PALS1: variants seen among roughly 807,000 people sequenced by gnomAD.
PALS1 encodes the protein protein associated with LIN7 1, MAGUK p55 family member.
A neutral mutation model predicts 78.9 loss-of-function variants in PALS1; 31 were observed. The observed-to-expected ratio is 0.39, with a 90% CI of 0.30 to 0.53. The LOEUF (loss-of-function observed/expected upper bound fraction) is 0.53, where lower values mean the gene tolerates loss of function less well. PALS1 is among the 20% of genes least tolerant of loss of function. The probability of loss-of-function intolerance (pLI) is 0.67; values close to 1 mark genes in which losing one functional copy is unlikely to be tolerated. For synonymous variants in PALS1, 276 were observed against 270.9 expected, an observed-to-expected ratio of 1.02 and a Z score of -0.18; for missense variants, 704 against 826.5, an observed-to-expected ratio of 0.85 and a Z score of 1.82.
chr14:67,315,258 CTTATTT>C (rs1443631258), intron 9 of PALS1, among the ~76,000 whole-genome samples: 2 of 140,344 alleles, frequency 1.4e-5, no homozygotes, highest in East Asian at 2.0e-4. Flanking sequence ...AAATCGGTTA[CTTATTT>C]TTAATTTTTT....
chr14:67,263,191 AC>A (rs553237910), intron 1 of PALS1, among the ~76,000 whole-genome samples: 309 of 152,314 alleles, frequency 2.0e-3, no homozygotes, highest in African/African-American at 7.0e-3. Context: ...AACACTTTTT[AC>A]TTCAGGAAAT....
intron 2 of PALS1, chr14:67,271,626 T>G (rs2084408658): frequency 6.6e-6 from 1 of 152,254 alleles, no homozygotes; most frequent in Non-Finnish European, 1.5e-5. Context: ...GAGGCTTTTC[T>G]CTTAAACATG....
At chr14:67,285,660 G>A (rs151115278) in intron 3 of PALS1, among the ~76,000 whole-genome samples, 1,839 of 152,176 alleles carry the variant, frequency 0.012, 19 homozygotes, top group Non-Finnish European at 0.018. Context: ...GAGCCACTGC[G>A]CCTGACCCCC....
chr14:67,298,838 A>T (rs963394847), intron 4 of PALS1, among the ~76,000 whole-genome samples: 45 of 152,060 alleles, frequency 3.0e-4, no homozygotes, highest in African/African-American at 1.1e-3. Flanking sequence ...ACCTCTTTCA[A>T]TCCTCAGGCC....
intron 9 of PALS1, among the ~76,000 whole-genome samples, chr14:67,314,706 T>G (rs1205508746): frequency 2.6e-5 from 4 of 152,250 alleles, no homozygotes; most frequent in Admixed American, 2.6e-4. Context: ...TAGATTCCAA[T>G]GATGACATTT....
At chr14:67,326,182 A>G (rs908716186) in intron 14 of PALS1, among the ~76,000 whole-genome samples, 27 of 92,412 alleles carry the variant, frequency 2.9e-4, no homozygotes, top group African/African-American at 1.2e-3. Flanking sequence ...TATCTACTTC[A>G]CTTTGAATTG....
chr14:67,302,941 T>G (rs1566564204), intron 7 of PALS1, among the ~76,000 whole-genome samples: 1 of 152,242 alleles, frequency 6.6e-6, no homozygotes, highest in Non-Finnish European at 1.5e-5. Context: ...TATCTGTAAT[T>G]GATTGTTGTT....
chr14:67,275,771 G>A (rs545451471), intron 2 of PALS1, among the ~76,000 whole-genome samples: 10 of 152,180 alleles, frequency 6.6e-5, no homozygotes, highest in East Asian at 3.9e-4. Context: ...TTGGTTGGTA[G>A]GCTATTAATT....
At chr14:67,303,664 T>C (rs2084960499) in intron 8 of PALS1, 65 bp downstream of exon 8, 2 of 1,117,816 alleles carry the variant, frequency 1.8e-6, no homozygotes, top group East Asian at 2.4e-5. Context: ...TGTTACTGTT[T>C]ACTGTTACAG....
chr14:67,312,806 A>C, intron 9 of PALS1, 96 bp downstream of exon 9: 1 of 964,700 alleles, frequency 1.0e-6, no homozygotes, highest in Non-Finnish European at 1.4e-6. Context: ...GCCTCTATTT[A>C]ATAAAGTATT....
At chr14:67,250,169 T>A (rs940226692) in intron 1 of PALS1, among the ~76,000 whole-genome samples, 11 of 152,184 alleles carry the variant, frequency 7.2e-5, no homozygotes, top group Admixed American at 7.2e-4. Context: ...GTGTTCATAA[T>A]TTCATTTAAA....
At chr14:67,269,044 G>C (rs1373467825) in intron 1 of PALS1, among the ~76,000 whole-genome samples, 2 of 152,116 alleles carry the variant, frequency 1.3e-5, no homozygotes, top group African/African-American at 4.8e-5. Flanking sequence ...TTCACCCCCA[G>C]TTTTAGGCAA....
chr14:67,284,103 C>T (rs1258086942), intron 3 of PALS1, among the ~76,000 whole-genome samples: 1 of 152,132 alleles, frequency 6.6e-6, no homozygotes, highest in South Asian at 2.1e-4. Context: ...GTAAATGGCA[C>T]ACTACAGGTT....
intron 14 of PALS1, among the ~76,000 whole-genome samples, chr14:67,328,038 G>C (rs113462339): frequency 6.6e-6 from 1 of 152,182 alleles, no homozygotes; most frequent in Non-Finnish European, 1.5e-5. Flanking sequence ...TCTAGTTCTA[G>C]ATCCTTGAGG....
intron 4 of PALS1, among the ~76,000 whole-genome samples, chr14:67,297,233 T>G (rs2084869665): frequency 6.6e-6 from 1 of 152,242 alleles, no homozygotes; most frequent in Admixed American, 6.5e-5. Flanking sequence ...TTCAACATTT[T>G]TTGGCAGTAC....
chr14:67,302,550 C>T lies in PALS1; in HGVS notation c.942C>T (p.Val314=). Residue 314 remains valine (V), a synonymous_variant, in exon 7 of 15, where the codon GTC becomes GTT. Transcript: ENST00000261681. ...GCATTGAAATTCGGGGGAAAGATGT[C>T]AATGAGGTTTTTGACTTGTTGGTAA... ...INGIEIRGKD[V]NEVFDLLSDM... 6.4e-7 allele frequency: 1 copy of T among 1,556,726 alleles called. No individual in the cohort carries two copies.
chr14:67,320,116 G>A lies in PALS1; in HGVS notation c.1370-114G>A, dbSNP rs573563557. On this transcript the variant is annotated intron_variant, in intron 11 of 14. Coordinates refer to ENST00000261681, the MANE Select transcript of PALS1 (RefSeq NM_022474.4). ...ATTTTCATGATACCCTAGCAAGGAT[G>A]TAATGACAATAAATTGTGCTTTTGT... 4 of 823,238 alleles carry A rather than the reference G, an allele frequency of 4.9e-6. No individual in the cohort carries two copies. In the African/African-American group the frequency reaches 7.0e-5, roughly 14 times the overall value. The allele number at this position is 823,238 out of a possible 1,614,324, so 51.0% of individuals were successfully genotyped here.
At position 67,312,715 on chromosome 14, in the gene PALS1, G is replaced by C. The variant is rs1474313120; in HGVS notation, c.1225+5G>C. 8.2e-6 allele frequency: 13 copies of C among 1,582,106 alleles called. No individual in the cohort carries two copies. Among genetic ancestry groups the C allele is most frequent in the Non-Finnish European group, 1.1e-5 (13 of 1,163,270 alleles). On this transcript the variant is annotated splice_donor_5th_base_variant and intron_variant, in intron 9 of 14. Transcript: ENST00000261681. ...CTCTAGCCGGGCTTGTTCCAGGTAAGACACAATATGGTAGAAAGTACATAA... is the reference window on the plus strand; with the variant it reads ...CTCTAGCCGGGCTTGTTCCAGGTAACACACAATATGGTAGAAAGTACATAA...
At chr14:67,244,801 T>A (rs1425855016) in intron 1 of PALS1, among the ~76,000 whole-genome samples, 1 of 152,210 alleles carries the variant, frequency 6.6e-6, no homozygotes, top group Non-Finnish European at 1.5e-5. Context: ...TTCAAAGATA[T>A]CCTAATCCCT....
Sources: gnomAD v4.1 joint callset for allele counts (sites outside exome capture counted in the v4.1 genomes callset) on GRCh38, gnomAD v4.1.1 for gene constraint, MANE v1.5 for transcripts, NCBI Gene and HGNC (gene_info 2026-07-23, HGNC 2026-07-21) for gene names.